DISP1: variants seen among roughly 807,000 people sequenced by gnomAD.
DISP1 encodes the protein dispatched RND transporter family member 1, also known as protein dispatched homolog 1.
Under a neutral mutation model 37.3 loss-of-function variants are expected in DISP1, and 30 were observed. That is an observed-to-expected ratio of 0.80 (90% CI 0.60 to 1.09). The LOEUF is 1.09. Ranked by LOEUF, DISP1 falls within the 50% of genes least tolerant of loss-of-function variation. The pLI is 0.00. For synonymous variants in DISP1, 634 were observed against 690.2 expected (o/e 0.92, Z 1.28); for missense variants, 1,598 against 1,879.5 (o/e 0.85, Z 2.77).
At chr1:222,825,667 A>T (rs890606227) in intron 1 of DISP1, among the ~76,000 whole-genome samples, 9 of 151,654 alleles carry the variant, frequency 5.9e-5, no homozygotes, top group African/African-American at 1.9e-4. Flanking sequence ...CACCTGGCTA[A>T]TTTTTTTGTA....
intron 1 of DISP1, among the ~76,000 whole-genome samples, chr1:222,864,942 C>T (rs1669100746): frequency 1.3e-5 from 2 of 152,114 alleles, no homozygotes. Context: ...AGTAGGGTTT[C>T]ATTCGCCTGT....
chr1:222,878,178 C>T (rs866353294), intron 1 of DISP1, among the ~76,000 whole-genome samples: 1 of 152,136 alleles, frequency 6.6e-6, no homozygotes. Flanking sequence ...GGCATTGTTA[C>T]GGAGTCCTTG....
intron 1 of DISP1, among the ~76,000 whole-genome samples, chr1:222,871,597 T>C (rs1669580579): frequency 6.6e-6 from 1 of 152,090 alleles, no homozygotes; most frequent in Non-Finnish European, 1.5e-5. Flanking sequence ...CTGTCTGTTA[T>C]TGGTGTATAA....
At chr1:222,879,454 T>C (rs757538016) in intron 1 of DISP1, among the ~76,000 whole-genome samples, 77 of 152,308 alleles carry the variant, frequency 5.1e-4, no homozygotes, top group Non-Finnish European at 8.2e-4. Context: ...CTTCATGTGA[T>C]GTTATGTGAT....
intron 1 of DISP1, among the ~76,000 whole-genome samples, chr1:222,908,802 AAAGACCATTTTTT>A (rs1164366892): frequency 1.3e-5 from 2 of 152,128 alleles, no homozygotes; most frequent in Non-Finnish European, 2.9e-5. Flanking sequence ...TTCCAGAAGC[AAAGACCATTTTTT>A]TCTGATCACT....
At chr1:222,927,538 A>G (rs540368722) in intron 1 of DISP1, among the ~76,000 whole-genome samples, 1 of 152,052 alleles carries the variant, frequency 6.6e-6, no homozygotes, top group Non-Finnish European at 1.5e-5. Context: ...TCAAAAGTTT[A>G]TTTTGATGAA....
chr1:222,996,054 T>G lies in DISP1; in HGVS notation c.987+1072T>G, dbSNP rs543844473. Among the ~76,000 whole-genome samples the G allele has an allele frequency of 1.2e-4, 19 of 152,308 alleles. 1 individual carries two copies. In the South Asian group the frequency reaches 2.1e-3, roughly 17 times the overall value. On this transcript the variant is annotated intron_variant, in intron 8 of 8. Coordinates refer to ENST00000675850, the MANE Select transcript of DISP1 (RefSeq NM_001377229.1). ...CATTCTAAGAGGCTGTTTGTACATT[T>G]TGAAAATGACTTTCCAATCGACTGA...
intron 8 of DISP1, among the ~76,000 whole-genome samples, chr1:222,999,437 A>G (rs1679290391): frequency 6.6e-6 from 1 of 152,180 alleles, no homozygotes; most frequent in South Asian, 2.1e-4. Context: ...TTTAAGCCCC[A>G]TAATATAATA....
At chr1:222,952,462 T>TTTG (rs1005036817) in intron 3 of DISP1, among the ~76,000 whole-genome samples, 2 of 152,154 alleles carry the variant, frequency 1.3e-5, no homozygotes, top group East Asian at 3.8e-4. Context: ...TGAATACTTT[T>TTTG]TTGTTGTTGT....
intron 1 of DISP1, among the ~76,000 whole-genome samples, chr1:222,840,944 C>T (rs1022590779): frequency 4.6e-5 from 7 of 152,128 alleles, no homozygotes; most frequent in African/African-American, 1.2e-4. Flanking sequence ...ACTATATGTA[C>T]ACAACTTACT....
At chr1:222,868,343 A>G (rs1238367797) in intron 1 of DISP1, among the ~76,000 whole-genome samples, 1 of 119,970 alleles carries the variant, frequency 8.3e-6, no homozygotes, top group Non-Finnish European at 2.1e-5. Flanking sequence ...AAAACTCTAC[A>G]TATATATATG....
chr1:222,953,842 A>G (rs987678474), intron 3 of DISP1, among the ~76,000 whole-genome samples: 20 of 152,188 alleles, frequency 1.3e-4, no homozygotes, highest in African/African-American at 4.8e-4. Flanking sequence ...AGAGTGTGCT[A>G]TGCCTCAAGG....
At chr1:222,846,517 G>A (rs1667911438) in intron 1 of DISP1, among the ~76,000 whole-genome samples, 1 of 152,162 alleles carries the variant, frequency 6.6e-6, no homozygotes. Flanking sequence ...GAAAGGACAG[G>A]GAATATGAGT....
At chr1:222,865,234 G>A (rs912811228) in intron 1 of DISP1, among the ~76,000 whole-genome samples, 1 of 151,860 alleles carries the variant, frequency 6.6e-6, no homozygotes, top group Non-Finnish European at 1.5e-5. Context: ...ATAACTTATG[G>A]TATAGAATTC....
chr1:222,968,802 G>A (rs761541032), intron 3 of DISP1, among the ~76,000 whole-genome samples: 11 of 151,888 alleles, frequency 7.2e-5, no homozygotes, highest in East Asian at 2.0e-4. Context: ...GCATGGTGGC[G>A]CATGCCTGTA....
At chr1:222,978,494 TC>T (rs1336147250) in intron 3 of DISP1, among the ~76,000 whole-genome samples, 1 of 152,250 alleles carries the variant, frequency 6.6e-6, no homozygotes, top group East Asian at 1.9e-4. Context: ...GTTGGTAGTT[TC>T]TTTTGCTGTA....
At chr1:222,960,235 C>G (rs1323165111) in intron 3 of DISP1, among the ~76,000 whole-genome samples, 1 of 152,182 alleles carries the variant, frequency 6.6e-6, no homozygotes, top group Non-Finnish European at 1.5e-5. Flanking sequence ...GTAAAACGCT[C>G]CTCAGCAAAT....
intron 8 of DISP1, among the ~76,000 whole-genome samples, 178 bp from the exon 9 acceptor site, chr1:223,002,207 C>A (rs575382685): frequency 3.3e-5 from 5 of 152,270 alleles, no homozygotes; most frequent in Admixed American, 3.3e-4. Context: ...TGTAACATGA[C>A]GCCATTTAGG....
At chr1:222,897,674 C>A (rs1172859213) in intron 1 of DISP1, among the ~76,000 whole-genome samples, 1 of 152,044 alleles carries the variant, frequency 6.6e-6, no homozygotes, top group Non-Finnish European at 1.5e-5. Flanking sequence ...TTATTTTGCA[C>A]CTAATAGTTG....
Sources: allele counts gnomAD v4.1 joint callset (sites outside exome capture counted in the v4.1 genomes callset), GRCh38; gene constraint gnomAD v4.1.1; transcripts MANE v1.5; gene names NCBI Gene and HGNC (gene_info 2026-07-23, HGNC 2026-07-21).